The following GALC variants were observed in gnomAD, a reference collection of about 807,000 sequenced individuals.
GALC encodes galactocerebrosidase.
GALC carries 77 observed loss-of-function variants against 91.8 expected under a neutral mutation model. The observed-to-expected ratio is 0.84, with a 90% confidence interval of 0.70 to 1.01. The LOEUF is 1.01. GALC is among the 50% of genes least tolerant of loss of function. GALC has a pLI of 0.00. For synonymous variants in GALC, 357 were observed against 306.7 expected, an observed-to-expected ratio of 1.16 and a Z score of -1.71; for missense variants, 882 against 855.9, an observed-to-expected ratio of 1.03 and a Z score of -0.38.
rs1333517483 is a variant in GALC at position 87,993,067 on chromosome 14, AG to A, written c.97del (p.Leu33CysfsTer39). ...GCCGCCGGGCGCCAGCAGCGCACAC[AG>A]CAGCAAGGGCACCGCGGCGCGGCCC... is the stretch of plus-strand genomic sequence containing the variant. ...SAGRAAVPLLLCALLAPGGAY... is the reference protein window; with the variant it reads ...SAGRAAVPLLXCALLAPGGAY... On this transcript the variant is annotated frameshift_variant, in exon 1 of 17. Transcript: ENST00000261304. LOFTEE classifies it high-confidence loss of function. The A allele has an allele frequency of 6.3e-7, 1 of 1,577,838 alleles. No individual in the cohort carries two copies. Among genetic ancestry groups the A allele is most frequent in the Non-Finnish European group, 8.6e-7 (1 of 1,162,850 alleles).
At chr14:87,947,618 T>C in intron 13 of GALC, 110 bp downstream of exon 13, 3 of 1,025,872 alleles carry the variant, frequency 2.9e-6, no homozygotes, top group East Asian at 2.4e-5. Flanking sequence ...AGGAGGTAAA[T>C]GAATGTGCTT....
chr14:87,985,862 A>G (rs1426797894), intron 4 of GALC, among the ~76,000 whole-genome samples: 1 of 152,218 alleles, frequency 6.6e-6, no homozygotes, highest in Non-Finnish European at 1.5e-5. Context: ...GCAACTAGCC[A>G]ATGATCCTCC....
chr14:87,982,260 C>CA lies in GALC; in HGVS notation c.583-18dup. The stretch of plus-strand genomic sequence containing the variant: ...ATTCCAAATCTGCAAAACAAAAAGT[C>CA]AAAAAAGTCTGAATTGAAAGTTACA... On this transcript the variant is annotated splice_polypyrimidine_tract_variant and intron_variant, in intron 5 of 16. Transcript: ENST00000261304. The CA allele has an allele frequency of 6.4e-7, 1 of 1,552,372 alleles. No homozygotes were observed. The highest frequency in any genetic ancestry group is 8.9e-7 in the Non-Finnish European group (1 of 1,124,814).
Position 87,934,409 on chromosome 14 carries a change from G to A in GALC, c.*323C>T. ...CTACAGGACCGCTTGCAAATAAGAT[G>A]AAGAGAGCTACCTCAGTGTTAGCAG... On this transcript the variant is annotated 3_prime_UTR_variant, in exon 17 of 17. Coordinates refer to ENST00000261304, the MANE Select transcript of GALC (RefSeq NM_000153.4). 1.6e-6 allele frequency: 2 copies of A among 1,281,154 alleles called. No individual in the cohort carries two copies. The highest frequency in any genetic ancestry group is 2.0e-6 in the Non-Finnish European group (2 of 1,006,658). 79.4% of individuals were successfully genotyped at this position (1,281,154 alleles called of 1,614,324 possible). A position where few individuals can be genotyped will look rare whatever the true frequency, so the allele number is the denominator to read the frequency against.
chr14:87,983,532 A>G (rs1886834587), intron 5 of GALC, among the ~76,000 whole-genome samples: 1 of 152,180 alleles, frequency 6.6e-6, no homozygotes, highest in South Asian at 2.1e-4. Flanking sequence ...GCCCTCAAAT[A>G]TTACAGTCAC....
intron 12 of GALC, 93 bp downstream of exon 12, chr14:87,949,752 A>G (rs1323163030): frequency 5.6e-6 from 4 of 715,660 alleles, no homozygotes; most frequent in Non-Finnish European, 1.0e-5. Flanking sequence ...ACAAACTTAT[A>G]AAAATAAAAA....
At chr14:87,993,547 C>G (rs1176811080), upstream of GALC, 1 of 1,352,428 alleles carries the variant, frequency 7.4e-7, no homozygotes, top group Non-Finnish European at 1.0e-6. Flanking sequence ...GACACCAGGT[C>G]CCGATTCCAT....
At chr14:87,976,514 T>C (rs779517815) in intron 6 of GALC, 26 bp from the exon 7 acceptor site, 5 of 1,587,224 alleles carry the variant, frequency 3.2e-6, no homozygotes, top group East Asian at 4.5e-5. Flanking sequence ...ACAGAACATA[T>C]GAAAGGATAC....
chr14:87,967,132 G>T (rs1886089877), intron 8 of GALC, among the ~76,000 whole-genome samples: 1 of 152,186 alleles, frequency 6.6e-6, no homozygotes, highest in Non-Finnish European at 1.5e-5. Flanking sequence ...CATTAAAAAT[G>T]ATGAAGTAGA....
intron 5 of GALC, among the ~76,000 whole-genome samples, chr14:87,982,764 A>T (rs75468657): frequency 1.2e-4 from 18 of 152,174 alleles, no homozygotes; most frequent in Non-Finnish European, 2.6e-4. Flanking sequence ...TATTAGGTTT[A>T]GAGTCATGAA....
chr14:87,963,590 T>G, intron 9 of GALC, 79 bp from the exon 10 acceptor site: 1 of 1,261,920 alleles, frequency 7.9e-7, no homozygotes, highest in South Asian at 1.3e-5. Context: ...AAAAGCTGTA[T>G]ATCAATTTGA....
Position 87,963,374 on chromosome 14 carries a change from A to T in GALC, c.1161+10T>A. The T allele has an allele frequency of 6.2e-7, 1 of 1,612,858 alleles. No homozygotes were observed. Among genetic ancestry groups the T allele is most frequent in the Non-Finnish European group, 8.5e-7 (1 of 1,178,982 alleles). Reference sequence around the variant, plus strand: ...AGTGAGTTAATCCAATAGCAACAACAAAAGTTTACCATGGTTTCAATGATG... The same window carrying T: ...AGTGAGTTAATCCAATAGCAACAACTAAAGTTTACCATGGTTTCAATGATG... On this transcript the variant is annotated intron_variant, in intron 10 of 16. Transcript: ENST00000261304.
chr14:87,947,657 T>G, intron 13 of GALC, 71 bp downstream of exon 13: 1 of 1,451,892 alleles, frequency 6.9e-7, no homozygotes, highest in South Asian at 1.1e-5. Flanking sequence ...TGCACCCAGT[T>G]TGACAGGTAG....
intron 10 of GALC, chr14:87,953,332 G>T: frequency 7.0e-7 from 1 of 1,430,340 alleles, no homozygotes; most frequent in South Asian, 1.2e-5. Context: ...GGCAAGTTAC[G>T]GGAAGATAAG....
In GALC at chr14:87,934,946, C is replaced by A; in HGVS notation, c.1912-68G>T. ...GGTCCTCTGAAGTCTGTTTCTTGAT[C>A]ATGTATGGCCCACTACTTAGTGGAG... is the stretch of plus-strand genomic sequence containing the variant. On this transcript the variant is annotated intron_variant, in intron 16 of 16. Transcript: ENST00000261304. The A allele has an allele frequency of 3.5e-6, 4 of 1,129,898 alleles. No homozygotes were observed. The South Asian group carries it at 3.7e-5, about 11-fold the overall frequency. 70.0% of individuals were successfully genotyped at this position (1,129,898 alleles called of 1,614,324 possible). A position where few individuals can be genotyped will look rare whatever the true frequency, so the allele number is the denominator to read the frequency against.
rs1885037210 is a variant in GALC, at chr14:87,945,542, A to G, written c.1670+11T>C. Reference sequence around the variant, plus strand: ...TTTCAGCCAGATCCACATTGAGAACATCAATCTTACCAGTTGTAGTCTCCT... The same window carrying G: ...TTTCAGCCAGATCCACATTGAGAACGTCAATCTTACCAGTTGTAGTCTCCT... On this transcript the variant is annotated intron_variant, in intron 14 of 16. Transcript: ENST00000261304. 1 of 1,574,288 alleles carries G rather than the reference A, an allele frequency of 6.4e-7. No individual in the cohort carries two copies. The highest frequency in any genetic ancestry group is 8.7e-7 in the Non-Finnish European group (1 of 1,143,900).
intron 10 of GALC, chr14:87,953,276 G>A (rs772543080): frequency 3.8e-5 from 57 of 1,490,736 alleles, no homozygotes; most frequent in Non-Finnish European, 5.0e-5. Context: ...GATAAAGGGC[G>A]GAGTCCTATA....
intron 14 of GALC, among the ~76,000 whole-genome samples, chr14:87,942,240 T>A (rs776724657): frequency 3.3e-5 from 5 of 152,076 alleles, no homozygotes; most frequent in Admixed American, 3.3e-4. Context: ...GTCTAACAAG[T>A]TCCCAGGTGA....
chr14:87,935,993 T>G (rs890437600), intron 16 of GALC, among the ~76,000 whole-genome samples: 7 of 151,950 alleles, frequency 4.6e-5, no homozygotes, highest in African/African-American at 1.4e-4. Flanking sequence ...ACACTCAATA[T>G]TAACACCGAG....
Sources: allele counts gnomAD v4.1 joint callset (sites outside exome capture counted in the v4.1 genomes callset), GRCh38; gene constraint gnomAD v4.1.1; transcripts MANE v1.5; gene names NCBI Gene and HGNC (gene_info 2026-07-23, HGNC 2026-07-21).